PRR16: variants seen among roughly 807,000 people sequenced by gnomAD.
The protein encoded by PRR16 is protein Largen.
A neutral mutation model predicts 18.2 loss-of-function variants in PRR16; 6 were observed. The observed-to-expected ratio is 0.33, with a 90% confidence interval of 0.18 to 0.65. PRR16 has a LOEUF of 0.65. Ranked by LOEUF, PRR16 falls within the 30% of genes least tolerant of loss-of-function variation. The pLI is 0.74. For synonymous variants in PRR16, 151 were observed against 147.8 expected, an observed-to-expected ratio of 1.02 and a Z score of -0.16; for missense variants, 412 against 376.6, an observed-to-expected ratio of 1.09 and a Z score of -0.78.
intron 1 of PRR16, among the ~76,000 whole-genome samples, chr5:120,486,112 A>G (rs953048106): frequency 9.2e-5 from 14 of 152,182 alleles, no homozygotes; most frequent in South Asian, 2.1e-4. Flanking sequence ...ATAAACATAC[A>G]TGTGCATGTG....
chr5:120,625,639 G>T (rs1472594660), intron 1 of PRR16, among the ~76,000 whole-genome samples: 1 of 152,056 alleles, frequency 6.6e-6, no homozygotes, highest in East Asian at 1.9e-4. Context: ...TGTGTGGCCA[G>T]AAAATAAGTT....
At chr5:120,472,892 A>G (rs989431842) in intron 1 of PRR16, among the ~76,000 whole-genome samples, 56 of 152,308 alleles carry the variant, frequency 3.7e-4, no homozygotes, top group African/African-American at 1.3e-3. Flanking sequence ...TTGCCATAGT[A>G]TATCAGTAAA....
intron 1 of PRR16, among the ~76,000 whole-genome samples, chr5:120,490,584 G>C (rs144799680): frequency 0.017 from 2,651 of 152,128 alleles, 80 homozygotes; most frequent in African/African-American, 0.061. Context: ...TAACTTCTTT[G>C]TCATGGGTTT....
chr5:120,548,099 A>G (rs1184224797), intron 1 of PRR16, among the ~76,000 whole-genome samples: 1 of 152,100 alleles, frequency 6.6e-6, no homozygotes, highest in African/African-American at 2.4e-5. Flanking sequence ...TTTCAAGTAA[A>G]GAACCTTGAT....
chr5:120,781,195 T>C, the PRR16 span: 1 of 152,162 alleles, frequency 6.6e-6, no homozygotes, highest in South Asian at 2.1e-4. Context: ...CAGGAAAATA[T>C]TCTTTTCTAT....
the PRR16 span, among the ~76,000 whole-genome samples, chr5:120,793,545 A>G: frequency 6.6e-6 from 1 of 152,092 alleles, no homozygotes; most frequent in African/African-American, 2.4e-5. Context: ...GTGCAAAGAG[A>G]AAAAAGAGAG....
chr5:120,654,851 A>C (rs1755912330), intron 1 of PRR16, among the ~76,000 whole-genome samples: 1 of 152,034 alleles, frequency 6.6e-6, no homozygotes, highest in East Asian at 1.9e-4. Flanking sequence ...GAGGGAAAAA[A>C]AGATAAAAAC....
the PRR16 span, among the ~76,000 whole-genome samples, chr5:120,747,588 T>C: frequency 5.9e-5 from 9 of 152,148 alleles, no homozygotes; most frequent in Admixed American, 2.6e-4. Flanking sequence ...CTAAGAAAGC[T>C]ACCCTTGGCA....
chr5:120,618,422 A>T (rs1754582695), intron 1 of PRR16: 2 of 935,914 alleles, frequency 2.1e-6, no homozygotes, highest in African/African-American at 3.6e-5. Context: ...GATTATAGTA[A>T]TTATACTGTT....
intron 1 of PRR16, among the ~76,000 whole-genome samples, chr5:120,482,294 C>A (rs79897026): frequency 0.015 from 2,290 of 152,242 alleles, 22 homozygotes; most frequent in East Asian, 0.024. Flanking sequence ...TCTCTCCCCC[C>A]ATTAGTCCCC....
intron 1 of PRR16, among the ~76,000 whole-genome samples, chr5:120,583,780 A>G (rs1002105019): frequency 6.6e-6 from 1 of 152,242 alleles, no homozygotes; most frequent in East Asian, 1.9e-4. Flanking sequence ...TAGGATATTC[A>G]CTAGTTGTCT....
chr5:120,641,639 G>A (rs1164222736), intron 1 of PRR16, among the ~76,000 whole-genome samples: 1 of 151,998 alleles, frequency 6.6e-6, no homozygotes, highest in Non-Finnish European at 1.5e-5. Context: ...AACTGCCCTT[G>A]ACTACCTTGG....
intron 1 of PRR16, among the ~76,000 whole-genome samples, chr5:120,628,732 A>G (rs1754957527): frequency 6.6e-6 from 1 of 150,500 alleles, no homozygotes; most frequent in East Asian, 2.0e-4. Flanking sequence ...CTATCTATCT[A>G]TCTATCTATC....
chr5:120,615,831 A>C (rs1350548654), intron 1 of PRR16, among the ~76,000 whole-genome samples: 2 of 152,102 alleles, frequency 1.3e-5, no homozygotes, highest in African/African-American at 2.4e-5. Flanking sequence ...ATTCATTGTC[A>C]CGTTCCCAGT....
At chr5:120,766,674 ACCGTTATTTTTCCACAAGG>A in the PRR16 span, among the ~76,000 whole-genome samples, 1 of 151,904 alleles carries the variant, frequency 6.6e-6, no homozygotes, top group East Asian at 1.9e-4. Flanking sequence ...ATAGCACAAG[ACCGTTATTTTTCCACAAGG>A]CTATAAGCAG....
At chr5:120,538,922 C>T (rs541866824) in intron 1 of PRR16, among the ~76,000 whole-genome samples, 3 of 152,120 alleles carry the variant, frequency 2.0e-5, no homozygotes, top group African/African-American at 7.2e-5. Context: ...GAGTTTGTTC[C>T]CTGGAGGAAG....
chr5:120,557,429 A>AG (rs1752450424), intron 1 of PRR16, among the ~76,000 whole-genome samples: 1 of 151,904 alleles, frequency 6.6e-6, no homozygotes, highest in South Asian at 2.1e-4. Context: ...TTCTACTTAC[A>AG]TGATATTTGA....
At chr5:120,565,167 T>TA (rs908679872) in intron 1 of PRR16, among the ~76,000 whole-genome samples, 3 of 152,126 alleles carry the variant, frequency 2.0e-5, no homozygotes, top group African/African-American at 7.2e-5. Flanking sequence ...GGCTTTTTTT[T>TA]AACCTAAGAT....
chr5:120,686,793 A>G lies in PRR16; in HGVS notation c.*84A>G. 8.7e-7 allele frequency: 1 copy of G among 1,146,992 alleles called. No individual in the cohort carries two copies. The allele number at this position is 1,146,992 out of a possible 1,614,324, so 71.1% of individuals were successfully genotyped here. ...AATGAGCACTTTCTACTCAAGCAAT[A>G]AAAAGCCCAAATATATTAATCCTGC... On this transcript the variant is annotated 3_prime_UTR_variant, in exon 2 of 2. Transcript: ENST00000407149.
Sources: allele counts gnomAD v4.1 joint callset (sites outside exome capture counted in the v4.1 genomes callset), GRCh38; gene constraint gnomAD v4.1.1; transcripts MANE v1.5; gene names NCBI Gene and HGNC (gene_info 2026-07-23, HGNC 2026-07-21).